The following AGPAT4 variants were observed in gnomAD, a reference collection of about 807,000 sequenced individuals.
AGPAT4 encodes the protein 1-acyl-sn-glycerol-3-phosphate acyltransferase delta.
Under a neutral mutation model 48.0 loss-of-function variants are expected in AGPAT4, and 15 were observed. That is an observed-to-expected ratio of 0.31 (90% CI 0.21 to 0.48). The LOEUF is 0.48. Among genes scored for constraint, AGPAT4 ranks in the 20% least tolerant of loss-of-function variants. The pLI is 0.99. For synonymous variants in AGPAT4, 178 were observed against 198.7 expected, an observed-to-expected ratio of 0.90 and a Z score of 0.88; for missense variants, 314 against 482.5, an observed-to-expected ratio of 0.65 and a Z score of 3.27.
chr6:161,170,958 G>A (rs1780252610), intron 2 of AGPAT4, among the ~76,000 whole-genome samples: 1 of 152,160 alleles, frequency 6.6e-6, no homozygotes, highest in Non-Finnish European at 1.5e-5. Flanking sequence ...TTCTGTCCCT[G>A]TACGCTCACT....
intron 5 of AGPAT4, among the ~76,000 whole-genome samples, chr6:161,151,524 G>C (rs969283578): frequency 1.6e-4 from 25 of 152,378 alleles, no homozygotes; most frequent in African/African-American, 4.8e-4. Context: ...AACCCCACCA[G>C]GGGCAGAAGG....
intron 2 of AGPAT4, among the ~76,000 whole-genome samples, chr6:161,210,553 A>G (rs1433548227): frequency 1.3e-5 from 2 of 152,212 alleles, no homozygotes; most frequent in Admixed American, 6.5e-5. Flanking sequence ...AAACTAAAGC[A>G]CTTGAATCAA....
chr6:161,209,849 C>A (rs1781477374), intron 2 of AGPAT4, among the ~76,000 whole-genome samples: 2 of 152,072 alleles, frequency 1.3e-5, no homozygotes, highest in South Asian at 4.2e-4. Context: ...TGATGAAGAA[C>A]AGAAATATCA....
chr6:161,242,079 G>C lies in AGPAT4; in HGVS notation c.-89-9777C>G, dbSNP rs149669621. Among the ~76,000 whole-genome samples the C allele has an allele frequency of 3.3e-4, 51 of 152,312 alleles. No individual in the cohort carries two copies. Among genetic ancestry groups the C allele is most frequent in the African/African-American group, 1.1e-3 (47 of 41,576 alleles). ...TCATAGGGCTTCTGAATCATAACCA[G>C]TGCAGCAGCATCAGTATAAAAAATG... On this transcript the variant is annotated intron_variant, in intron 1 of 8. Transcript: ENST00000320285. This position sits in a 1 kb window ranked among gnomAD's most constrained non-coding sequence, Gnocchi z 5.0.
At position 161,164,202 on chromosome 6, in the gene AGPAT4, T is replaced by C. The variant is rs1780025598; in HGVS notation, c.348+2046A>G. 6.6e-6 allele frequency among the ~76,000 whole-genome samples: 1 copy of C among 152,194 alleles called. No individual in the cohort carries two copies. Among genetic ancestry groups the C allele is most frequent in the Non-Finnish European group, 1.5e-5 (1 of 68,034 alleles). Reference sequence around the variant, plus strand: ...ATTAAATTCCCGCTCCGTGAATGTCTCTTCCCGTCTGGGGGCTATGTCCTC... The same window carrying C: ...ATTAAATTCCCGCTCCGTGAATGTCCCTTCCCGTCTGGGGGCTATGTCCTC... On this transcript the variant is annotated intron_variant, in intron 3 of 8. Transcript: ENST00000320285. This position sits in a 1 kb window ranked among gnomAD's most constrained non-coding sequence, Gnocchi z 7.4.
chr6:161,179,905 T>C (rs1317379693), intron 2 of AGPAT4, among the ~76,000 whole-genome samples: 1 of 152,230 alleles, frequency 6.6e-6, no homozygotes, highest in Non-Finnish European at 1.5e-5. Flanking sequence ...CTATTAGTAG[T>C]TAAGTTTTAG....
chr6:161,198,073 A>T lies in AGPAT4; in HGVS notation c.179-31656T>A, dbSNP rs1206288842. Among the ~76,000 whole-genome samples the T allele has an allele frequency of 1.3e-5, 2 of 152,146 alleles. No individual in the cohort carries two copies. Among genetic ancestry groups the T allele is most frequent in the African/African-American group, 4.8e-5 (2 of 41,404 alleles). ...CCACTCTTCTTTTGTTTAATATTTTAAAATATTTCCCTTTACTGTTCCATA... is the reference window on the plus strand; with the variant it reads ...CCACTCTTCTTTTGTTTAATATTTTTAAATATTTCCCTTTACTGTTCCATA... On this transcript the variant is annotated intron_variant, in intron 2 of 8. Transcript: ENST00000320285. The surrounding 1 kb of genome is among the most constrained non-coding windows in gnomAD (Gnocchi z 4.3).
rs1221315047 is a variant in AGPAT4, at chr6:161,261,271, AG to A, written c.-90+12666del. 2.6e-5 allele frequency among the ~76,000 whole-genome samples: 4 copies of A among 152,296 alleles called. No individual in the cohort carries two copies. Among genetic ancestry groups the A allele is most frequent in the African/African-American group, 9.6e-5 (4 of 41,578 alleles). On this transcript the variant is annotated intron_variant, in intron 1 of 8. Transcript: ENST00000320285. The surrounding 1 kb of genome is among the most constrained non-coding windows in gnomAD (Gnocchi z 5.3). ...AATGTGGCCACTTACTGACTGCACG[AG>A]TCCATGAGACAAACAACAGAAAAGA...
Position 161,154,381 on chromosome 6 carries a change from C to A in AGPAT4, c.349-71G>T. 1 of 1,580,398 alleles carries A rather than the reference C, an allele frequency of 6.3e-7. No homozygotes were observed. The highest frequency in any genetic ancestry group is 1.8e-5 in the Admixed American group (1 of 56,730). On this transcript the variant is annotated intron_variant, in intron 3 of 8. Transcript: ENST00000320285. This position sits in a 1 kb window ranked among gnomAD's most constrained non-coding sequence, Gnocchi z 7.8. ...AGCCACCTGCCGGGGCTGTTGGAGA[C>A]TGAAGTAGAAAAAGAGGAGGGGACG...
chr6:161,145,118 C>T (rs1470736046), intron 7 of AGPAT4, among the ~76,000 whole-genome samples: 1 of 151,714 alleles, frequency 6.6e-6, no homozygotes, highest in Non-Finnish European at 1.5e-5. Flanking sequence ...TCTGTCGGGG[C>T]ACATATGTGC....
At position 161,138,530 on chromosome 6, in the gene AGPAT4, G is replaced by T. The variant is rs1478102160; in HGVS notation, c.1042+892C>A. Among the ~76,000 whole-genome samples, 2 of 152,132 alleles carry T rather than the reference G, an allele frequency of 1.3e-5. No homozygotes were observed. The highest frequency in any genetic ancestry group is 3.9e-4 in the East Asian group (2 of 5,178). On this transcript the variant is annotated intron_variant, in intron 8 of 8. Coordinates refer to ENST00000320285, the MANE Select transcript of AGPAT4 (RefSeq NM_020133.3). This position sits in a 1 kb window ranked among gnomAD's most constrained non-coding sequence, Gnocchi z 4.8. ...ATCAAATTGTCATTAACGATTATCT[G>T]GGAAGTGGGCTCAATGGGAATGGTC...
At position 161,240,649 on chromosome 6, in the gene AGPAT4, G is replaced by A. The variant is rs375283674; in HGVS notation, c.-89-8347C>T. On this transcript the variant is annotated intron_variant, in intron 1 of 8. Transcript: ENST00000320285. This position sits in a 1 kb window ranked among gnomAD's most constrained non-coding sequence, Gnocchi z 5.5. ...AGGACACAGAATCCCCAGGTACTGC[G>A]GTGCCCACAGAGGAGAGGGGAGTGG... Among the ~76,000 whole-genome samples, 4 of 152,300 alleles carry A rather than the reference G, an allele frequency of 2.6e-5. No homozygotes were observed. Among genetic ancestry groups the A allele is most frequent in the Non-Finnish European group, 2.9e-5 (2 of 68,022 alleles).
chr6:161,269,385 C>T (rs1485056350), intron 1 of AGPAT4, among the ~76,000 whole-genome samples: 4 of 152,358 alleles, frequency 2.6e-5, no homozygotes. Context: ...TGATCCCTCC[C>T]TGCCCAGCAC....
chr6:161,153,309 GC>G (rs770784225), intron 5 of AGPAT4, 36 bp downstream of exon 5: 1 of 1,579,110 alleles, frequency 6.3e-7, no homozygotes, highest in Admixed American at 1.8e-5. Flanking sequence ...CTTCCTCGCT[GC>G]CACGGGGAGG....
rs1241245609 is a variant in AGPAT4 at position 161,266,730 on chromosome 6, T to C, written c.-90+7208A>G. ...TACTCCTGGGACGCAGGACACAGTC[T>C]GAGATGATTGCATTGATTGTCTGCT... On this transcript the variant is annotated intron_variant, in intron 1 of 8. Coordinates refer to ENST00000320285, the MANE Select transcript of AGPAT4 (RefSeq NM_020133.3). The surrounding 1 kb of genome is among the most constrained non-coding windows in gnomAD (Gnocchi z 6.2). Among the ~76,000 whole-genome samples the C allele has an allele frequency of 6.6e-6, 1 of 152,220 alleles. No individual in the cohort carries two copies. Among genetic ancestry groups the C allele is most frequent in the Non-Finnish European group, 1.5e-5 (1 of 68,040 alleles).
At position 161,217,023 on chromosome 6, in the gene AGPAT4, T is replaced by G. The variant is rs1327780498; in HGVS notation, c.178+15013A>C. Among the ~76,000 whole-genome samples, 1 of 152,244 alleles carries G rather than the reference T, an allele frequency of 6.6e-6. No individual in the cohort carries two copies. The highest frequency in any genetic ancestry group is 1.5e-5 in the Non-Finnish European group (1 of 68,042). On this transcript the variant is annotated intron_variant, in intron 2 of 8. Transcript: ENST00000320285. This position sits in a 1 kb window ranked among gnomAD's most constrained non-coding sequence, Gnocchi z 4.9. ...TCACCTGCTGATGCGGTTCTCATGT[T>G]ACACGTGTTCTTCACCTTCAGGCTT...
rs1442981491 is a variant in AGPAT4, at chr6:161,244,778, G to C, written c.-89-12476C>G. On this transcript the variant is annotated intron_variant, in intron 1 of 8. Transcript: ENST00000320285. The surrounding 1 kb of genome is among the most constrained non-coding windows in gnomAD (Gnocchi z 4.7). ...GCCTGGGTCAACTGATCCAGTAAGA[G>C]TGATGCCTTCCACCACTTAGCCTAG... Among the ~76,000 whole-genome samples, 1 of 152,184 alleles carries C rather than the reference G, an allele frequency of 6.6e-6. No individual in the cohort carries two copies.
At chr6:161,168,843 T>C (rs1780185802) in intron 2 of AGPAT4, among the ~76,000 whole-genome samples, 1 of 152,166 alleles carries the variant, frequency 6.6e-6, no homozygotes, top group Admixed American at 6.5e-5. Flanking sequence ...CAGGCTCCGA[T>C]CCCGGTGGAG....
At chr6:161,228,134 T>C (rs1349705413) in intron 2 of AGPAT4, among the ~76,000 whole-genome samples, 1 of 152,190 alleles carries the variant, frequency 6.6e-6, no homozygotes, top group East Asian at 1.9e-4. Flanking sequence ...TGATGTGCTT[T>C]AAGGAATTTC....
Sources: gnomAD v4.1 joint callset for allele counts (sites outside exome capture counted in the v4.1 genomes callset) on GRCh38, gnomAD v4.1.1 for gene constraint, Gnocchi (gnomAD v3.1) non-coding constraint, MANE v1.5 for transcripts, NCBI Gene and HGNC (gene_info 2026-07-23, HGNC 2026-07-21) for gene names.